BASP1: variants seen among roughly 807,000 people sequenced by gnomAD.
The protein encoded by BASP1 is brain acid soluble protein 1.
BASP1 carries 1 observed loss-of-function variant against 2.2 expected under a neutral mutation model. The ratio of observed to expected loss-of-function variants is 0.46; its 90% CI spans 0.16 to 2.17. BASP1 has a LOEUF of 2.17. BASP1 is among the 30% of genes most tolerant of loss of function. BASP1 has a pLI of 0.27. For missense variants in BASP1, 352 were observed against 327.2 expected (o/e 1.08, Z -0.58); for synonymous variants, 187 against 154.2 (o/e 1.21, Z -1.58).
At position 17,275,394 on chromosome 5, in the gene BASP1, C is replaced by T; in HGVS notation, c.178C>T (p.Gln60Ter). The stretch of plus-strand genomic sequence containing the variant: ...CAAGGAGGGCAAGGAGAAGCCCGAC[C>T]AGGACGCCGAGGGCAAGGCCGAGGA... ...EAKEGKEKPD[Q>*]DAEGKAEEKE... is the part of the protein sequence containing the mutation. The change falls in exon 2 of 2, where the codon CAG (glutamine) becomes TAG (stop). Residue 60 changes from glutamine (Q) to a stop codon, truncating the protein, a stop_gained. Transcript: ENST00000322611. LOFTEE classifies it low-confidence loss of function (END_TRUNC). This position sits in a 1 kb window ranked among gnomAD's most constrained non-coding sequence, Gnocchi z 5.3. 6.3e-7 allele frequency: 1 copy of T among 1,583,398 alleles called. No individual in the cohort carries two copies. Among genetic ancestry groups the T allele is most frequent in the Admixed American group, 1.9e-5 (1 of 53,648 alleles).
At chr5:17,231,771 T>C (rs927044488) in intron 1 of BASP1, among the ~76,000 whole-genome samples, 1 of 152,192 alleles carries the variant, frequency 6.6e-6, no homozygotes, top group African/African-American at 2.4e-5. Flanking sequence ...TCTGCTCCTC[T>C]AGATTAAAAC....
intron 1 of BASP1, among the ~76,000 whole-genome samples, chr5:17,223,899 C>T (rs1739438469): frequency 1.3e-5 from 2 of 152,236 alleles, no homozygotes; most frequent in South Asian, 4.1e-4. Context: ...ACTACCTCCA[C>T]CCTGCCCCTG....
intron 1 of BASP1, among the ~76,000 whole-genome samples, chr5:17,220,035 G>A (rs1739365969): frequency 6.6e-6 from 1 of 152,126 alleles, no homozygotes; most frequent in South Asian, 2.1e-4. Context: ...ACACAAAAAG[G>A]GACTTATTGT....
chr5:17,249,242 A>G (rs1177347463), intron 1 of BASP1, among the ~76,000 whole-genome samples: 1 of 152,110 alleles, frequency 6.6e-6, no homozygotes, highest in African/African-American at 2.4e-5. Context: ...TGTGGGGTGC[A>G]GTAAATGTGA....
At chr5:17,222,758 C>T (rs981828018) in intron 1 of BASP1, among the ~76,000 whole-genome samples, 5 of 152,114 alleles carry the variant, frequency 3.3e-5, no homozygotes, top group African/African-American at 7.2e-5. Context: ...ATACTCAGTA[C>T]ATTTTTGAAC....
chr5:17,226,328 T>C (rs1314218004), intron 1 of BASP1, among the ~76,000 whole-genome samples: 1 of 152,226 alleles, frequency 6.6e-6, no homozygotes, highest in African/African-American at 2.4e-5. Flanking sequence ...CTTTTCCTGG[T>C]TGAGCTTTCT....
At chr5:17,256,405 G>A (rs1173700856) in intron 1 of BASP1, among the ~76,000 whole-genome samples, 1 of 152,154 alleles carries the variant, frequency 6.6e-6, no homozygotes, top group African/African-American at 2.4e-5. Context: ...AGTCAGGGTC[G>A]ACCTTTGGGT....
intron 1 of BASP1, among the ~76,000 whole-genome samples, chr5:17,247,629 G>A (rs1740021895): frequency 6.6e-6 from 1 of 152,214 alleles, no homozygotes; most frequent in South Asian, 2.1e-4. Context: ...CAACTTTGAT[G>A]TGGCCTATAA....
chr5:17,238,306 T>C (rs992854586), intron 1 of BASP1, among the ~76,000 whole-genome samples: 5 of 152,154 alleles, frequency 3.3e-5, no homozygotes, highest in Non-Finnish European at 7.4e-5. Flanking sequence ...ATCTGAGTTT[T>C]TTTTTTATCG....
At chr5:17,247,020 CTACAAAAAA>C (rs1482246336) in intron 1 of BASP1, among the ~76,000 whole-genome samples, 62 of 152,204 alleles carry the variant, frequency 4.1e-4, no homozygotes, top group African/African-American at 1.4e-3. Context: ...AACCCTGTGT[CTACAAAAAA>C]TACAAAAAAT....
intron 1 of BASP1, among the ~76,000 whole-genome samples, chr5:17,270,821 C>A (rs996982785): frequency 6.6e-6 from 1 of 152,280 alleles, no homozygotes; most frequent in East Asian, 1.9e-4. Context: ...ATTAAATTCC[C>A]ATTAAATTGA....
rs1740653743 is a variant in BASP1, at chr5:17,276,000, C to CCTCTCCTATCTCTCCTCTCTCT, written c.*110_*131dup. On this transcript the variant is annotated 3_prime_UTR_variant, in exon 2 of 2. Transcript: ENST00000322611. This position sits in a 1 kb window ranked among gnomAD's most constrained non-coding sequence, Gnocchi z 5.3. ...CTCTCTCTATCTCCTCTCTCTCTCT[C>CCTCTCCTATCTCTCCTCTCTCT]CTCTCCTATCTCTCCTCTCTCTCTC... 3 of 1,024,708 alleles carry CCTCTCCTATCTCTCCTCTCTCT rather than the reference C, an allele frequency of 2.9e-6. No homozygotes were observed. The highest frequency in any genetic ancestry group is 4.0e-6 in the Non-Finnish European group (3 of 743,120). The allele number at this position is 1,024,708 out of a possible 1,614,324, so 63.5% of individuals were successfully genotyped here.
At chr5:17,258,847 C>CA (rs1160330550) in intron 1 of BASP1, among the ~76,000 whole-genome samples, 1 of 152,090 alleles carries the variant, frequency 6.6e-6, no homozygotes, top group Admixed American at 6.5e-5. Context: ...TTGAAGAAGG[C>CA]AAAAGTGTGG....
intron 1 of BASP1, among the ~76,000 whole-genome samples, chr5:17,261,465 A>G (rs952768767): frequency 6.6e-6 from 1 of 152,254 alleles, no homozygotes; most frequent in Non-Finnish European, 1.5e-5. Flanking sequence ...GTAAAGGACT[A>G]TTTCAAAGAG....
intron 1 of BASP1, among the ~76,000 whole-genome samples, chr5:17,247,900 C>T (rs1325783436): frequency 6.6e-6 from 1 of 152,208 alleles, no homozygotes; most frequent in Non-Finnish European, 1.5e-5. Flanking sequence ...GTGCCTCCCT[C>T]TTTCCTGGAA....
At chr5:17,241,088 T>A (rs1739853080) in intron 1 of BASP1, among the ~76,000 whole-genome samples, 1 of 151,654 alleles carries the variant, frequency 6.6e-6, no homozygotes, top group South Asian at 2.1e-4. Flanking sequence ...TTACACAGAT[T>A]GACATTTTCC....
At chr5:17,247,789 G>A (rs934266301) in intron 1 of BASP1, among the ~76,000 whole-genome samples, 2 of 152,170 alleles carry the variant, frequency 1.3e-5, no homozygotes, top group African/African-American at 4.8e-5. Flanking sequence ...TTTTTGTTGC[G>A]TCTTTAACTT....
intron 1 of BASP1, among the ~76,000 whole-genome samples, chr5:17,243,463 CT>C (rs1358646439): frequency 7.9e-5 from 12 of 152,202 alleles, no homozygotes; most frequent in Admixed American, 1.3e-4. Context: ...TCCCTCCAAC[CT>C]TCTTAACTTC....
intron 1 of BASP1, among the ~76,000 whole-genome samples, chr5:17,261,619 C>T (rs1279953541): frequency 1.3e-5 from 2 of 152,132 alleles, no homozygotes; most frequent in African/African-American, 4.8e-5. Context: ...CTTCTCTCCC[C>T]CCCACCGTCT....
Sources: gnomAD v4.1 joint callset for allele counts (sites outside exome capture counted in the v4.1 genomes callset) on GRCh38, gnomAD v4.1.1 for gene constraint, Gnocchi (gnomAD v3.1) non-coding constraint, MANE v1.5 for transcripts, NCBI Gene and HGNC (gene_info 2026-07-23, HGNC 2026-07-21) for gene names.